The following CEP44 variants were observed in gnomAD, a reference collection of about 807,000 sequenced individuals.
The protein encoded by CEP44 is centrosomal protein 44, also known as centrosomal protein of 44 kDa.
Under a neutral mutation model 46.7 loss-of-function variants are expected in CEP44, and 45 were observed. That is an observed-to-expected ratio of 0.96 (90% CI 0.76 to 1.24). The LOEUF is 1.24. Ranked by LOEUF, CEP44 falls within the 50% of genes most tolerant of loss-of-function variation. The probability of loss-of-function intolerance (pLI) is 0.00; values close to 1 mark genes in which losing one functional copy is unlikely to be tolerated. For synonymous variants in CEP44, 142 were observed against 146.0 expected (o/e 0.97, Z 0.20); for missense variants, 475 against 459.7 (o/e 1.03, Z -0.30).
Position 174,320,279 on chromosome 4 carries a change from T to C in CEP44, c.*2896T>C. On this transcript the variant is annotated 3_prime_UTR_variant, in exon 12 of 12. Transcript: ENST00000503780. ...ATGTTTGCTTGTTTTCCTCTACTGT[T>C]TTTAATGTGATGTTGTAATATATTT... 4 of 981,162 alleles carry C rather than the reference T, an allele frequency of 4.1e-6. No individual in the cohort carries two copies. The highest frequency in any genetic ancestry group is 4.8e-6 in the Non-Finnish European group (4 of 826,232). 60.8% of individuals were successfully genotyped at this position (981,162 alleles called of 1,614,324 possible). A position where few individuals can be genotyped will look rare whatever the true frequency, so the allele number is the denominator to read the frequency against.
chr4:174,316,547 A>G lies in CEP44; in HGVS notation c.1104A>G (p.Lys368=). ...AATTAAAGGAAACAACAATCCAGAA[A>G]ATGGAAAGGATGAAAAAAATGTAAG... The part of the protein sequence containing the change: ...NEISEETTIQ[K]MERMKKMFEE... The change falls in exon 11 of 12, where the codon AAA becomes AAG. Residue 368 remains lysine (K), a synonymous_variant. Transcript: ENST00000503780. 1.3e-6 allele frequency: 2 copies of G among 1,589,554 alleles called. No individual in the cohort carries two copies. Among genetic ancestry groups the G allele is most frequent in the South Asian group, 2.3e-5 (2 of 87,000 alleles).
Position 174,288,762 on chromosome 4 carries a change from G to T in CEP44, c.-148+4819G>T, listed in dbSNP as rs559433554. ...TTATTTTTCTTACCTAGTTATTCTG[G>T]CTAGGACTTAAAATACTACGCTGAA... On this transcript the variant is annotated intron_variant, in intron 1 of 11. Coordinates refer to ENST00000503780, the MANE Select transcript of CEP44 (RefSeq NM_001040157.3). The surrounding 1 kb of genome is among the most constrained non-coding windows in gnomAD (Gnocchi z 4.6). 2.6e-5 allele frequency among the ~76,000 whole-genome samples: 4 copies of T among 152,070 alleles called. No individual in the cohort carries two copies. Among genetic ancestry groups the T allele is most frequent in the Non-Finnish European group, 5.9e-5 (4 of 67,968 alleles).
chr4:174,286,194 C>T lies in CEP44; in HGVS notation c.-148+2251C>T, dbSNP rs909584993. ...TCATAAAGAGGGAGCAGTTGCTCTA[C>T]CCTGGGGAAATGGCTGTGGAAATGA... On this transcript the variant is annotated intron_variant, in intron 1 of 11. Transcript: ENST00000503780. The surrounding 1 kb of genome is among the most constrained non-coding windows in gnomAD (Gnocchi z 5.2). Among the ~76,000 whole-genome samples, 7 of 152,120 alleles carry T rather than the reference C, an allele frequency of 4.6e-5. No individual in the cohort carries two copies. Among genetic ancestry groups the T allele is most frequent in the African/African-American group, 1.7e-4 (7 of 41,428 alleles).
chr4:174,304,372 A>G lies in CEP44; in HGVS notation c.507+3A>G. 2 of 1,604,302 alleles carry G rather than the reference A, an allele frequency of 1.2e-6. No homozygotes were observed. Among genetic ancestry groups the G allele is most frequent in the East Asian group, 4.5e-5 (2 of 44,656 alleles). On this transcript the variant is annotated splice_donor_region_variant and intron_variant, in intron 6 of 11. Coordinates refer to ENST00000503780, the MANE Select transcript of CEP44 (RefSeq NM_001040157.3). ...GCAGGTTTATGACCTCAGGAAAGGT[A>G]TGCAACCACAAAGAAAATATCATAT...
chr4:174,324,899 C>A (rs1742558603), downstream of CEP44, among the ~76,000 whole-genome samples: 1 of 152,158 alleles, frequency 6.6e-6, no homozygotes, highest in Non-Finnish European at 1.5e-5. Flanking sequence ...TTCCCAAATT[C>A]AACCCCCATA....
At position 174,286,031 on chromosome 4, in the gene CEP44, G is replaced by A. The variant is rs1459139182; in HGVS notation, c.-148+2088G>A. ...CAGTACCTAAAATTATCTCTGTCTA[G>A]AAATGTAAATGTTTAGTTGAAGTAA... On this transcript the variant is annotated intron_variant, in intron 1 of 11. Coordinates refer to ENST00000503780, the MANE Select transcript of CEP44 (RefSeq NM_001040157.3). This position sits in a 1 kb window ranked among gnomAD's most constrained non-coding sequence, Gnocchi z 5.2. 6.6e-6 allele frequency among the ~76,000 whole-genome samples: 1 copy of A among 152,172 alleles called. No homozygotes were observed. The highest frequency in any genetic ancestry group is 1.5e-5 in the Non-Finnish European group (1 of 68,034).
chr4:174,307,875 A>G (rs1740615545), intron 6 of CEP44, among the ~76,000 whole-genome samples: 1 of 152,220 alleles, frequency 6.6e-6, no homozygotes, highest in Non-Finnish European at 1.5e-5. Context: ...ATCACTGATC[A>G]TTAGAAAAAT....
In CEP44 at chr4:174,331,424, C is replaced by A; in HGVS notation, c.1087-58C>A. ...GACACTGCTCTAATTCCTATCTACC[C>A]ATTCTGCCAATGCATTTAGATCATA... On this transcript the variant is annotated intron_variant, in intron 8 of 8. Transcript: ENST00000426172. The surrounding 1 kb of genome is among the most constrained non-coding windows in gnomAD (Gnocchi z 4.5). The A allele has an allele frequency of 6.5e-7, 1 of 1,529,660 alleles. No homozygotes were observed. Among genetic ancestry groups the A allele is most frequent in the Non-Finnish European group, 8.8e-7 (1 of 1,133,060 alleles). 94.8% of individuals were successfully genotyped at this position (1,529,660 alleles called of 1,614,324 possible).
At chr4:174,305,053 G>A (rs1476876255) in intron 6 of CEP44, among the ~76,000 whole-genome samples, 1 of 152,182 alleles carries the variant, frequency 6.6e-6, no homozygotes, top group Non-Finnish European at 1.5e-5. Context: ...TATCAATGGT[G>A]TAATTAAGTA....
At chr4:174,332,234 C>A in exon 9 of CEP44, 1 of 152,294 alleles carries the variant, frequency 6.6e-6, no homozygotes. Flanking sequence ...GCTAAAGGTA[C>A]GGTGTTCCAT....
Position 174,316,225 on chromosome 4 carries a change from G to A in CEP44, c.1021G>A (p.Ala341Thr). ...TCCTCTGTCCTCTGGCTATAGTACAGCATCATCAGATTCAACTCCCAGAGC... is the reference window on the plus strand; with the variant it reads ...TCCTCTGTCCTCTGGCTATAGTACAACATCATCAGATTCAACTCCCAGAGC... ...SIPLSSGYST[A>T]SSDSTPRAST... Residue 341 changes from alanine (A) to threonine (T), a missense_variant, in exon 10 of 12, where the codon GCA becomes ACA. By Grantham distance (58) the Ala-to-Thr change is moderately conservative. Transcript: ENST00000503780. 6.2e-7 allele frequency: 1 copy of A among 1,613,578 alleles called. No individual in the cohort carries two copies. Among genetic ancestry groups the A allele is most frequent in the South Asian group, 1.1e-5 (1 of 91,072 alleles).
intron 6 of CEP44, among the ~76,000 whole-genome samples, chr4:174,308,144 G>A (rs940552696): frequency 1.3e-5 from 2 of 152,108 alleles, no homozygotes; most frequent in Non-Finnish European, 2.9e-5. Flanking sequence ...AAAGATGCAT[G>A]CATATGTTCA....
Position 174,319,427 on chromosome 4 carries a change from G to T in CEP44, c.*2044G>T. 2 of 982,482 alleles carry T rather than the reference G, an allele frequency of 2.0e-6. No homozygotes were observed. Among genetic ancestry groups the T allele is most frequent in the Non-Finnish European group, 2.4e-6 (2 of 827,340 alleles). The allele number at this position is 982,482 out of a possible 1,614,324, so 60.9% of individuals were successfully genotyped here. A position where few individuals can be genotyped will look rare whatever the true frequency, so the allele number is the denominator to read the frequency against. On this transcript the variant is annotated 3_prime_UTR_variant, in exon 12 of 12. Transcript: ENST00000503780. The stretch of plus-strand genomic sequence containing the variant: ...AAACAAGTGATTTCCCATCAAACAG[G>T]ATAATATTTTTTCCCTTTTGAAAAA...
rs1216269581 is a variant in CEP44 at position 174,288,876 on chromosome 4, G to A, written c.-148+4933G>A. On this transcript the variant is annotated intron_variant, in intron 1 of 11. Transcript: ENST00000503780. This position sits in a 1 kb window ranked among gnomAD's most constrained non-coding sequence, Gnocchi z 4.6. ...TTTATCTTTAAGTATCTTAGCTGTG[G>A]GCTTCTCATAAATGGACTTTATTTT... Among the ~76,000 whole-genome samples the A allele has an allele frequency of 6.6e-6, 1 of 152,030 alleles. No individual in the cohort carries two copies. Among genetic ancestry groups the A allele is most frequent in the East Asian group, 1.9e-4 (1 of 5,192 alleles).
chr4:174,318,075 G>T lies in CEP44; in HGVS notation c.*692G>T, dbSNP rs1741936635. 13 of 985,160 alleles carry T rather than the reference G, an allele frequency of 1.3e-5. No homozygotes were observed. Among genetic ancestry groups the T allele is most frequent in the Non-Finnish European group, 1.3e-5 (11 of 829,788 alleles). 61.0% of individuals were successfully genotyped at this position (985,160 alleles called of 1,614,324 possible). A position where few individuals can be genotyped will look rare whatever the true frequency, so the allele number is the denominator to read the frequency against. On this transcript the variant is annotated 3_prime_UTR_variant, in exon 12 of 12. Transcript: ENST00000503780. Reference sequence around the variant, plus strand: ...TATGCTCTATTGTATAATTTTTTTGGAGGGGGGGATGGAGTTTCGCTGTTG... The same window carrying T: ...TATGCTCTATTGTATAATTTTTTTGTAGGGGGGGATGGAGTTTCGCTGTTG...
rs1741999907 is a variant in CEP44 at position 174,318,661 on chromosome 4, TTATG to T, written c.*1279_*1282del. ...GATTATATTTTATTTATTCATCTAT[TTATG>T]GTATGTATGTATAATTCTATATTAC... On this transcript the variant is annotated 3_prime_UTR_variant, in exon 12 of 12. Transcript: ENST00000503780. 1.7e-6 allele frequency: 1 copy of T among 575,050 alleles called. No homozygotes were observed. Among genetic ancestry groups the T allele is most frequent in the Admixed American group, 6.3e-5 (1 of 15,750 alleles). The allele number at this position is 575,050 out of a possible 1,614,324, so 35.6% of individuals were successfully genotyped here.
chr4:174,331,422 C>A lies in CEP44; in HGVS notation c.1087-60C>A. The A allele has an allele frequency of 6.6e-7, 1 of 1,526,182 alleles. No homozygotes were observed. Among genetic ancestry groups the A allele is most frequent in the East Asian group, 2.5e-5 (1 of 40,732 alleles). The allele number at this position is 1,526,182 out of a possible 1,614,324, so 94.5% of individuals were successfully genotyped here. ...CTGACACTGCTCTAATTCCTATCTACCCATTCTGCCAATGCATTTAGATCA... is the reference window on the plus strand; with the variant it reads ...CTGACACTGCTCTAATTCCTATCTAACCATTCTGCCAATGCATTTAGATCA... On this transcript the variant is annotated intron_variant, in intron 8 of 8. Coordinates refer to the CEP44 transcript ENST00000426172. The surrounding 1 kb of genome is among the most constrained non-coding windows in gnomAD (Gnocchi z 4.5).
intron 9 of CEP44, among the ~76,000 whole-genome samples, chr4:174,313,157 C>A (rs1160156582): frequency 1.3e-5 from 2 of 149,926 alleles, no homozygotes; most frequent in Non-Finnish European, 2.9e-5. Context: ...TTACATGGTG[C>A]CCTTGTTTTG....
rs1254532078 is a variant in CEP44, at chr4:174,329,518, G to T, written c.1087-1964G>T. Among the ~76,000 whole-genome samples the T allele has an allele frequency of 6.6e-6, 1 of 152,126 alleles. No individual in the cohort carries two copies. The highest frequency in any genetic ancestry group is 1.5e-5 in the Non-Finnish European group (1 of 68,024). ...TTATAAAAGTTATAAAGTTGTCAAT[G>T]TTGAAATATATTTGGTATTTTAGCA... On this transcript the variant is annotated intron_variant, in intron 8 of 8. Coordinates refer to the CEP44 transcript ENST00000426172. The surrounding 1 kb of genome is among the most constrained non-coding windows in gnomAD (Gnocchi z 4.0).
Sources: allele counts gnomAD v4.1 joint callset (sites outside exome capture counted in the v4.1 genomes callset), GRCh38; gene constraint gnomAD v4.1.1; non-coding constraint Gnocchi (gnomAD v3.1); transcripts MANE v1.5; gene names NCBI Gene and HGNC (gene_info 2026-07-23, HGNC 2026-07-21).